Variants in SCAPER observed in about 807,000 individuals in gnomAD.
The protein encoded by SCAPER is S-phase cyclin A associated protein in the ER.
Under a neutral mutation model 182.2 loss-of-function variants are expected in SCAPER, and 98 were observed. That is an observed-to-expected ratio of 0.54 (90% CI 0.46 to 0.64). The LOEUF is 0.64. SCAPER is among the 30% of genes least tolerant of loss of function. The pLI is 0.00. For synonymous variants in SCAPER, 605 were observed against 564.6 expected (o/e 1.07, Z -1.01); for missense variants, 1,432 against 1,690.0 (o/e 0.85, Z 2.68).
chr15:76,811,996 A>C (rs1244000899), intron 5 of SCAPER, among the ~76,000 whole-genome samples: 1 of 152,066 alleles, frequency 6.6e-6, no homozygotes, highest in Non-Finnish European at 1.5e-5. Context: ...AATAAAGATA[A>C]CAATAGAAAT....
At chr15:76,528,344 A>G (rs1478778838) in intron 23 of SCAPER, among the ~76,000 whole-genome samples, 1 of 152,096 alleles carries the variant, frequency 6.6e-6, no homozygotes, top group Non-Finnish European at 1.5e-5. Context: ...CCAAGCCTGT[A>G]TCTCGAGTCT....
At chr15:76,790,773 T>C (rs539879631) in intron 8 of SCAPER, among the ~76,000 whole-genome samples, 1 of 152,202 alleles carries the variant, frequency 6.6e-6, no homozygotes, top group Admixed American at 6.5e-5. Flanking sequence ...TACTGGTCTA[T>C]TTAAAAGAAC....
intron 6 of SCAPER, among the ~76,000 whole-genome samples, chr15:76,804,022 C>T (rs1598823467): frequency 6.6e-6 from 1 of 152,140 alleles, no homozygotes; most frequent in Non-Finnish European, 1.5e-5. Context: ...TCCTCATTGC[C>T]TAATACATTA....
rs186613340 is a variant in SCAPER, at chr15:76,800,587, C to T, written c.495-223G>A. The stretch of plus-strand genomic sequence containing the variant: ...TGATAAACGGTTCAGGATTTTCTAC[C>T]GACTGCAGCACAGCAACACTACTCC... On this transcript the variant is annotated intron_variant, in intron 6 of 31. Coordinates refer to ENST00000563290, the MANE Select transcript of SCAPER (RefSeq NM_020843.4). 4.3e-3 allele frequency among the ~76,000 whole-genome samples: 658 copies of T among 152,194 alleles called. 5 individuals carry two copies. The highest frequency in any genetic ancestry group is 6.5e-3 in the Non-Finnish European group (440 of 68,012).
intron 25 of SCAPER, among the ~76,000 whole-genome samples, chr15:76,457,191 C>T (rs2048804069): frequency 6.6e-6 from 1 of 151,740 alleles, no homozygotes; most frequent in African/African-American, 2.4e-5. Flanking sequence ...GCCTCCCAAG[C>T]AGCTGGGACT....
intron 23 of SCAPER, among the ~76,000 whole-genome samples, chr15:76,546,782 A>G (rs1339184517): frequency 2.6e-5 from 4 of 152,164 alleles, no homozygotes; most frequent in African/African-American, 9.7e-5. Flanking sequence ...TTACGACTTA[A>G]AAGTATTTGT....
intron 26 of SCAPER, among the ~76,000 whole-genome samples, chr15:76,428,798 T>C (rs1168283889): frequency 6.7e-6 from 1 of 149,126 alleles, no homozygotes; most frequent in Non-Finnish European, 1.5e-5. Context: ...GGCTTCTGAA[T>C]GTTCTTACCA....
Position 76,686,449 on chromosome 15 carries a change from G to A in SCAPER, c.2508+15309C>T, listed in dbSNP as rs368142173. On this transcript the variant is annotated intron_variant, in intron 20 of 31. Transcript: ENST00000563290. The stretch of plus-strand genomic sequence containing the variant: ...GAATGTAAATCTATAACTCTTATAC[G>A]TCACTGGTAAGAGTGCAAATTGGTG... Among the ~76,000 whole-genome samples, 16 of 152,098 alleles carry A rather than the reference G, an allele frequency of 1.1e-4. No homozygotes were observed. The East Asian group carries it at 2.7e-3, about 26-fold the overall frequency.
In SCAPER at chr15:76,366,954, G is replaced by T. The variant is rs2041857396; in HGVS notation, c.3855+9208C>A. On this transcript the variant is annotated intron_variant, in intron 29 of 31. Transcript: ENST00000563290. The stretch of plus-strand genomic sequence containing the variant: ...GCAGCCCTGAGACTCTGAGGTGGGA[G>T]GATCCTCTGTACTTCTACATGTTTT... Among the ~76,000 whole-genome samples the T allele has an allele frequency of 2.0e-5, 3 of 152,306 alleles. No homozygotes were observed. The South Asian group carries it at 6.2e-4, about 32-fold the overall frequency.
intron 1 of SCAPER, among the ~76,000 whole-genome samples, chr15:76,887,434 C>G (rs929654743): frequency 1.3e-5 from 2 of 152,118 alleles, no homozygotes; most frequent in African/African-American, 4.8e-5. Flanking sequence ...CCTGGAAAAT[C>G]GGTACACTCT....
chr15:76,513,396 A>G (rs1307455725), intron 23 of SCAPER, among the ~76,000 whole-genome samples: 1 of 152,204 alleles, frequency 6.6e-6, no homozygotes, highest in African/African-American at 2.4e-5. Flanking sequence ...GATATTAGAG[A>G]TGATTTCTTC....
chr15:76,863,887 T>C (rs2072066878), intron 2 of SCAPER, among the ~76,000 whole-genome samples: 2 of 152,120 alleles, frequency 1.3e-5, no homozygotes, highest in Non-Finnish European at 2.9e-5. Context: ...TGTCATGCCA[T>C]GAGAAGCCCA....
intron 25 of SCAPER, among the ~76,000 whole-genome samples, chr15:76,459,174 G>C (rs1342766219): frequency 6.6e-6 from 1 of 152,192 alleles, no homozygotes; most frequent in Non-Finnish European, 1.5e-5. Context: ...TTGCAGGAAT[G>C]AGCCACTGTG....
intron 22 of SCAPER, among the ~76,000 whole-genome samples, chr15:76,615,880 T>G (rs2051440501): frequency 6.7e-6 from 1 of 149,246 alleles, no homozygotes; most frequent in Non-Finnish European, 1.5e-5. Flanking sequence ...ATGTCCAACA[T>G]CACTAATCGT....
At chr15:76,903,224 A>G (rs762265551) in intron 1 of SCAPER, among the ~76,000 whole-genome samples, 16 of 152,222 alleles carry the variant, frequency 1.1e-4, no homozygotes, top group Non-Finnish European at 2.1e-4. Context: ...AAACATTTTT[A>G]AAGTCTGTTT....
intron 23 of SCAPER, among the ~76,000 whole-genome samples, chr15:76,546,836 A>G (rs969025245): frequency 2.0e-5 from 3 of 152,146 alleles, no homozygotes; most frequent in Admixed American, 6.6e-5. Flanking sequence ...GGTATCTGGC[A>G]TACAGTGGAT....
intron 22 of SCAPER, among the ~76,000 whole-genome samples, chr15:76,608,687 C>T (rs960889372): frequency 1.3e-5 from 2 of 152,226 alleles, no homozygotes; most frequent in Non-Finnish European, 2.9e-5. Context: ...TTCCCGGCCG[C>T]TTTGTTTACC....
chr15:76,531,941 C>T (rs779839525), intron 23 of SCAPER, among the ~76,000 whole-genome samples: 5 of 152,220 alleles, frequency 3.3e-5, no homozygotes, highest in African/African-American at 9.6e-5. Context: ...CAACAATACA[C>T]ATCTTCTCTG....
chr15:76,814,122 T>C (rs1431000412), intron 5 of SCAPER, among the ~76,000 whole-genome samples: 1 of 152,044 alleles, frequency 6.6e-6, no homozygotes, highest in East Asian at 1.9e-4. Flanking sequence ...GAGCCGAGAT[T>C]ACGCCACCGC....
Sources: allele counts gnomAD v4.1 joint callset (sites outside exome capture counted in the v4.1 genomes callset), GRCh38; gene constraint gnomAD v4.1.1; transcripts MANE v1.5; gene names NCBI Gene and HGNC (gene_info 2026-07-23, HGNC 2026-07-21).